The following LRP2 variants were observed in gnomAD, a reference collection of about 807,000 sequenced individuals.
LRP2 encodes the protein LDL receptor related protein 2, also known as low-density lipoprotein receptor-related protein 2.
In LRP2, 172 loss-of-function variants were observed where a neutral mutation model predicts 531.0. The observed-to-expected ratio is 0.32, with a 90% CI of 0.29 to 0.37. The LOEUF (loss-of-function observed/expected upper bound fraction) is 0.37. Ranked by LOEUF, LRP2 falls within the 10% of genes least tolerant of loss-of-function variation. The probability of loss-of-function intolerance (pLI) is 1.00; values close to 1 mark genes in which losing one functional copy is unlikely to be tolerated. For synonymous variants in LRP2, 1,992 were observed against 2,027.6 expected (o/e 0.98, Z 0.47); for missense variants, 5,167 against 5,868.3 (o/e 0.88, Z 3.90).
chr2:169,242,071 A>G (rs1689826890), intron 24 of LRP2, among the ~76,000 whole-genome samples: 1 of 152,236 alleles, frequency 6.6e-6, no homozygotes, highest in African/African-American at 2.4e-5. Flanking sequence ...AGTGATTAGT[A>G]ATTTCTAGAT....
intron 1 of LRP2, among the ~76,000 whole-genome samples, chr2:169,359,279 A>C (rs971010787): frequency 2.6e-5 from 4 of 152,200 alleles, no homozygotes; most frequent in African/African-American, 9.7e-5. Flanking sequence ...ACACAGCTAG[A>C]AAGTGGTAAA....
At chr2:169,152,184 A>G (rs904412820) in intron 67 of LRP2, among the ~76,000 whole-genome samples, 2 of 152,226 alleles carry the variant, frequency 1.3e-5, no homozygotes, top group African/African-American at 4.8e-5. Context: ...AAAACCATCC[A>G]AAATGTGTGG....
chr2:169,326,599 C>T (rs1362072565), intron 1 of LRP2, among the ~76,000 whole-genome samples: 10 of 152,132 alleles, frequency 6.6e-5, no homozygotes, highest in African/African-American at 2.2e-4. Context: ...GCCTTGGCCT[C>T]CCAAAGTGCC....
intron 49 of LRP2, among the ~76,000 whole-genome samples, chr2:169,186,228 C>A (rs1297234393): frequency 6.6e-6 from 1 of 152,126 alleles, no homozygotes; most frequent in East Asian, 1.9e-4. Flanking sequence ...GTGGTTTCAA[C>A]AACTAATACA....
intron 29 of LRP2, among the ~76,000 whole-genome samples, chr2:169,235,515 A>T (rs777003880): frequency 6.6e-6 from 1 of 152,218 alleles, no homozygotes; most frequent in African/African-American, 2.4e-5. Context: ...CTGGGATCAC[A>T]GGCGTGAGCC....
At chr2:169,361,955 A>G (rs1171236519) in intron 1 of LRP2, among the ~76,000 whole-genome samples, 1 of 152,156 alleles carries the variant, frequency 6.6e-6, no homozygotes, top group East Asian at 1.9e-4. Context: ...GCCGCCCAGC[A>G]GAGAACTCCG....
At chr2:169,176,287 C>T (rs954046074) in intron 54 of LRP2, 124 bp downstream of exon 54, 2 of 1,053,220 alleles carry the variant, frequency 1.9e-6, no homozygotes, top group African/African-American at 1.6e-5. Context: ...CTGTGTTCCA[C>T]ATGAACCAAG....
chr2:169,160,405 G>A (rs1228196214), intron 63 of LRP2, among the ~76,000 whole-genome samples: 1 of 151,522 alleles, frequency 6.6e-6, no homozygotes, highest in African/African-American at 2.4e-5. Context: ...TTAAAAAATC[G>A]AACAATGTGT....
rs145762485 is a variant in LRP2, at chr2:169,196,984, G to C, written c.8625C>G (p.Arg2875=). The C allele has an allele frequency of 8.1e-6, 13 of 1,614,122 alleles. No individual in the cohort carries two copies. In the African/African-American group the frequency reaches 1.7e-4, roughly 22 times the overall value. Residue 2875 remains arginine, a synonymous_variant, in exon 46 of 79, where the codon CGC becomes CGG. Transcript: ENST00000649046. ...CACAATACCAATGTTGAGGAATACAGCGCCCAGATGCGCATTGGAACTCAC... is the reference window on the plus strand; with the variant it reads ...CACAATACCAATGTTGAGGAATACACCGCCCAGATGCGCATTGGAACTCAC... The part of the protein sequence containing the change: ...SSSEFQCASG[R]CIPQHWYCDQ...
chr2:169,234,148 A>C (rs1689516808), intron 29 of LRP2, among the ~76,000 whole-genome samples: 1 of 151,834 alleles, frequency 6.6e-6, no homozygotes, highest in South Asian at 2.1e-4. Flanking sequence ...TTTTTATTTT[A>C]CTTTAAGTTC....
intron 1 of LRP2, among the ~76,000 whole-genome samples, chr2:169,353,127 G>A (rs1318936859): frequency 6.6e-6 from 1 of 152,140 alleles, no homozygotes; most frequent in African/African-American, 2.4e-5. Context: ...ACTTTTTTAA[G>A]TTCCTCAGGT....
At chr2:169,143,057 C>T (rs1685781339) in intron 70 of LRP2, among the ~76,000 whole-genome samples, 1 of 152,098 alleles carries the variant, frequency 6.6e-6, no homozygotes, top group African/African-American at 2.4e-5. Context: ...TCTCTGCTGC[C>T]CTGAGAGGTT....
chr2:169,168,497 A>G lies in LRP2; in HGVS notation c.11635+42T>C, dbSNP rs775854167. 7.4e-6 allele frequency: 12 copies of G among 1,612,836 alleles called. No individual in the cohort carries two copies. The Admixed American group carries it at 2.0e-4, about 27-fold the overall frequency. On this transcript the variant is annotated intron_variant, in intron 61 of 78. Coordinates refer to ENST00000649046, the MANE Select transcript of LRP2 (RefSeq NM_004525.3). ...CACGTAAGAAACAATGAGATTTGACAGACAACACCACTCCCATTCACTCCG... is the reference window on the plus strand; with the variant it reads ...CACGTAAGAAACAATGAGATTTGACGGACAACACCACTCCCATTCACTCCG...
chr2:169,159,280 G>T (rs1367351591), intron 63 of LRP2, among the ~76,000 whole-genome samples: 1 of 152,122 alleles, frequency 6.6e-6, no homozygotes, highest in African/African-American at 2.4e-5. Flanking sequence ...AATCAAAATA[G>T]ATTTATATCT....
chr2:169,162,341 G>T (rs1192696700), intron 63 of LRP2, 131 bp downstream of exon 63: 3 of 1,009,586 alleles, frequency 3.0e-6, no homozygotes, highest in Non-Finnish European at 4.6e-6. Flanking sequence ...CTAGCTATGG[G>T]CTTGACTGGA....
At chr2:169,339,808 A>G (rs1350429140) in intron 1 of LRP2, among the ~76,000 whole-genome samples, 2 of 152,226 alleles carry the variant, frequency 1.3e-5, no homozygotes, top group Non-Finnish European at 2.9e-5. Flanking sequence ...GGAAACATAG[A>G]GACCACATCT....
chr2:169,131,256 T>A (rs1467657401), intron 77 of LRP2, among the ~76,000 whole-genome samples: 4 of 5,038 alleles, frequency 7.9e-4, no homozygotes, highest in Admixed American at 3.5e-3. Context: ...AGTGTATGAG[T>A]GTGTGTGTGT....
intron 31 of LRP2, among the ~76,000 whole-genome samples, chr2:169,226,840 T>C (rs1243179815): frequency 6.6e-6 from 1 of 152,156 alleles, no homozygotes; most frequent in African/African-American, 2.4e-5. Flanking sequence ...GTATTTATCT[T>C]ACTCTTCATT....
Position 169,231,753 on chromosome 2 carries a change from C to T in LRP2, c.5188G>A (p.Gly1730Arg), listed in dbSNP as rs1689412725. The change falls in exon 31 of 79, where the codon GGA (glycine) becomes AGA (arginine). Residue 1730 changes from glycine to arginine, a missense_variant. This residue lies in a region of LRP2 where 2,811 missense variants were observed against 3,058.0 expected (regional missense o/e 0.92). Coordinates refer to ENST00000649046, the MANE Select transcript of LRP2 (RefSeq NM_004525.3). ...PHFYSCVCPS[G>R]WSLSPDLLNC... ...AGGAGATCAGGAGACAGACTCCATC[C>T]TGAAGGACAAACACAGGAGTAAAAA... is the stretch of plus-strand genomic sequence containing the variant. The T allele has an allele frequency of 1.2e-6, 2 of 1,614,076 alleles. No homozygotes were observed. The highest frequency in any genetic ancestry group is 8.5e-7 in the Non-Finnish European group (1 of 1,179,992).
Sources: allele counts gnomAD v4.1 joint callset (sites outside exome capture counted in the v4.1 genomes callset), GRCh38; gene constraint gnomAD v4.1.1; regional missense constraint gnomAD v4.1.1; transcripts MANE v1.5; gene names NCBI Gene and HGNC (gene_info 2026-07-23, HGNC 2026-07-21).